Variants in ATRNL1 observed in about 807,000 individuals in gnomAD.
ATRNL1 encodes attractin like 1.
Under a neutral mutation model 182.7 loss-of-function variants are expected in ATRNL1, and 95 were observed. That is an observed-to-expected ratio of 0.52 (90% CI 0.44 to 0.62). ATRNL1 has a LOEUF of 0.62. ATRNL1 is among the 20% of genes least tolerant of loss of function. The pLI is 0.00. For synonymous variants in ATRNL1, 576 were observed against 568.3 expected (o/e 1.01, Z -0.19); for missense variants, 1,471 against 1,679.5 (o/e 0.88, Z 2.17).
chr10:115,210,057 T>C (rs937036884), intron 8 of ATRNL1, among the ~76,000 whole-genome samples: 3 of 152,024 alleles, frequency 2.0e-5, no homozygotes, highest in Non-Finnish European at 4.4e-5. Context: ...TAAAAAAGTT[T>C]ATCAAGTAGT....
intron 26 of ATRNL1, among the ~76,000 whole-genome samples, chr10:115,635,372 T>C (rs1219789749): frequency 1.3e-5 from 2 of 149,232 alleles, no homozygotes; most frequent in African/African-American, 2.5e-5. Flanking sequence ...AGACACCCAA[T>C]AGGCATATGT....
intron 24 of ATRNL1, among the ~76,000 whole-genome samples, chr10:115,473,760 A>G (rs1398383592): frequency 6.6e-6 from 1 of 151,202 alleles, no homozygotes; most frequent in Non-Finnish European, 1.5e-5. Flanking sequence ...GTTATTTTTG[A>G]TGTGACCAAG....
intron 26 of ATRNL1, among the ~76,000 whole-genome samples, chr10:115,683,521 G>A (rs1946116764): frequency 7.0e-6 from 1 of 143,818 alleles, no homozygotes; most frequent in African/African-American, 2.5e-5. Context: ...TACAAGCAAG[G>A]TATATGGGAA....
At chr10:115,815,447 G>GTGTGTT in intron 27 of ATRNL1, among the ~76,000 whole-genome samples, 1 of 150,060 alleles carries the variant, frequency 6.7e-6, no homozygotes, top group Admixed American at 6.7e-5. Context: ...GTGTGTGTGT[G>GTGTGTT]TGTGTATTGT....
chr10:115,147,647 A>T (rs1846030638), intron 5 of ATRNL1, among the ~76,000 whole-genome samples: 1 of 152,102 alleles, frequency 6.6e-6, no homozygotes, highest in African/African-American at 2.4e-5. Flanking sequence ...ATTTTTGTAT[A>T]TGGTGAGAGA....
chr10:115,757,664 T>C (rs1948625934), intron 27 of ATRNL1, among the ~76,000 whole-genome samples: 3 of 152,136 alleles, frequency 2.0e-5, no homozygotes, highest in Admixed American at 2.0e-4. Flanking sequence ...AAGGAATATC[T>C]TTGTGGTGTT....
chr10:115,184,040 A>C (rs1847844830), intron 8 of ATRNL1, among the ~76,000 whole-genome samples: 2 of 151,594 alleles, frequency 1.3e-5, no homozygotes, highest in Admixed American at 1.3e-4. Flanking sequence ...ATAATAAAAT[A>C]CACATTAATA....
chr10:115,845,252 T>C (rs1340421718), intron 27 of ATRNL1, among the ~76,000 whole-genome samples: 1 of 152,066 alleles, frequency 6.6e-6, no homozygotes, highest in Admixed American at 6.6e-5. Flanking sequence ...AATCTCCTTT[T>C]ATATAGCTTA....
chr10:115,107,864 T>A (rs570432393), intron 1 of ATRNL1, among the ~76,000 whole-genome samples: 47 of 152,288 alleles, frequency 3.1e-4, no homozygotes, highest in African/African-American at 1.1e-3. Flanking sequence ...TGTGCCAGAA[T>A]GCAGGGAGCA....
intron 13 of ATRNL1, 145 bp downstream of exon 13, chr10:115,268,589 G>A: frequency 1.8e-6 from 1 of 552,906 alleles, no homozygotes; most frequent in Non-Finnish European, 3.3e-6. Context: ...TTCACTTCTT[G>A]GCAAATTGTG....
intron 26 of ATRNL1, among the ~76,000 whole-genome samples, chr10:115,569,250 A>G (rs1271991666): frequency 1.3e-5 from 2 of 152,120 alleles, no homozygotes; most frequent in Non-Finnish European, 2.9e-5. Flanking sequence ...ATTTTGTAGT[A>G]TGATTATACC....
In ATRNL1 at chr10:115,481,634, A is replaced by G. The variant is rs368072351; in HGVS notation, c.3654+12305A>G. Among the ~76,000 whole-genome samples the G allele has an allele frequency of 3.0e-4, 45 of 151,000 alleles. 1 individual carries two copies. In the South Asian group the frequency reaches 7.9e-3, roughly 26 times the overall value. On this transcript the variant is annotated intron_variant, in intron 24 of 28. Transcript: ENST00000355044. ...TTAACTCACACTTCTTTATTTTACT[A>G]TCATTTTATTAGTATTAATATTAAG... is the stretch of plus-strand genomic sequence containing the variant.
intron 27 of ATRNL1, among the ~76,000 whole-genome samples, chr10:115,771,332 G>A (rs113703811): frequency 6.0e-5 from 9 of 150,880 alleles, no homozygotes; most frequent in East Asian, 2.0e-4. Flanking sequence ...CTGGGTTCAC[G>A]CCATTCTTCT....
At chr10:115,733,382 G>A (rs946563236) in intron 27 of ATRNL1, among the ~76,000 whole-genome samples, 9 of 152,152 alleles carry the variant, frequency 5.9e-5, no homozygotes, top group South Asian at 4.2e-4. Context: ...AGAAGCATAC[G>A]GTAACCTAGA....
At chr10:115,366,470 C>A (rs1434047650) in intron 19 of ATRNL1, among the ~76,000 whole-genome samples, 2 of 152,062 alleles carry the variant, frequency 1.3e-5, no homozygotes, top group South Asian at 2.1e-4. Context: ...GACTCTTTAT[C>A]CAATTTGCCA....
intron 20 of ATRNL1, among the ~76,000 whole-genome samples, chr10:115,419,844 C>T (rs934325164): frequency 1.3e-5 from 2 of 152,172 alleles, no homozygotes; most frequent in Non-Finnish European, 2.9e-5. Context: ...ACTCCACTTT[C>T]AGCAATGTGC....
intron 21 of ATRNL1, among the ~76,000 whole-genome samples, chr10:115,440,331 A>G (rs565077721): frequency 6.6e-6 from 1 of 151,956 alleles, no homozygotes; most frequent in South Asian, 2.1e-4. Flanking sequence ...ATATATGCTC[A>G]TTGGTTCTGG....
intron 1 of ATRNL1, among the ~76,000 whole-genome samples, chr10:115,110,596 C>G (rs1844214848): frequency 6.6e-6 from 1 of 152,030 alleles, no homozygotes; most frequent in Non-Finnish European, 1.5e-5. Flanking sequence ...GGACTTCTGT[C>G]CTATAGAACT....
intron 26 of ATRNL1, among the ~76,000 whole-genome samples, chr10:115,646,917 A>G (rs1213632393): frequency 6.7e-6 from 1 of 148,532 alleles, no homozygotes; most frequent in Admixed American, 6.7e-5. Context: ...TACATTAGGT[A>G]TATCTCCTAA....
Sources: gnomAD v4.1 joint callset for allele counts (sites outside exome capture counted in the v4.1 genomes callset) on GRCh38, gnomAD v4.1.1 for gene constraint, MANE v1.5 for transcripts, NCBI Gene and HGNC (gene_info 2026-07-23, HGNC 2026-07-21) for gene names.